The following GAREM1 variants were observed in gnomAD, a reference collection of about 807,000 sequenced individuals.
The protein encoded by GAREM1 is GRB2 associated regulator of MAPK1 subtype 1, also known as GRB2-associated and regulator of MAPK protein 1.
Under a neutral mutation model 71.3 loss-of-function variants are expected in GAREM1, and 26 were observed. The observed-to-expected ratio is 0.36, with a 90% CI of 0.27 to 0.51. The LOEUF is 0.51. Ranked by LOEUF, GAREM1 falls within the 20% of genes least tolerant of loss-of-function variation. The probability of loss-of-function intolerance (pLI) is 0.95; values close to 1 mark genes in which losing one functional copy is unlikely to be tolerated. For synonymous variants in GAREM1, 440 were observed against 433.2 expected (o/e 1.02, Z -0.20); for missense variants, 1,026 against 1,103.1 (o/e 0.93, Z 0.99).
At chr18:32,357,507 T>C (rs754599401) in intron 2 of GAREM1, among the ~76,000 whole-genome samples, 1 of 152,120 alleles carries the variant, frequency 6.6e-6, no homozygotes, top group Non-Finnish European at 1.5e-5. Flanking sequence ...CAGCCCTCTA[T>C]CTCTGCTGTC....
chr18:32,394,748 C>T lies in GAREM1; in HGVS notation c.122-1713G>A, dbSNP rs1012597020. On this transcript the variant is annotated intron_variant, in intron 1 of 5. Transcript: ENST00000269209. ...TGCTCCAAAGGAGAAATCATGCAGCCCCCTGCTGAGCATATGCACAGTAGG... is the reference window on the plus strand; with the variant it reads ...TGCTCCAAAGGAGAAATCATGCAGCTCCCTGCTGAGCATATGCACAGTAGG... Among the ~76,000 whole-genome samples, 6 of 152,156 alleles carry T rather than the reference C, an allele frequency of 3.9e-5. No individual in the cohort carries two copies. The East Asian group carries it at 7.7e-4, about 20-fold the overall frequency.
rs555648889 is a variant in GAREM1 at position 32,410,182 on chromosome 18, C to T, written c.122-17147G>A. Among the ~76,000 whole-genome samples, 3 of 152,236 alleles carry T rather than the reference C, an allele frequency of 2.0e-5. No homozygotes were observed. In the East Asian group the frequency reaches 5.8e-4, roughly 29 times the overall value. ...CTACTAGACATCAGATGCCAAATGA[C>T]CAGGCATGTTTCTAAGATCCCAACC... On this transcript the variant is annotated intron_variant, in intron 1 of 5. Coordinates refer to ENST00000269209, the MANE Select transcript of GAREM1 (RefSeq NM_001242409.2).
rs147981261 is a variant in GAREM1, at chr18:32,330,105, A to G, written c.263-19782T>C. Among the ~76,000 whole-genome samples, 961 of 152,346 alleles carry G rather than the reference A, an allele frequency of 6.3e-3. 7 individuals carry two copies. The highest frequency in any genetic ancestry group is 0.012 in the Non-Finnish European group (793 of 68,028). ...ACAATAGCAAAGATATGGAATCAAC[A>G]TAAGGGCCCATCGATGATGGACTGT... On this transcript the variant is annotated intron_variant, in intron 2 of 5. Coordinates refer to ENST00000269209, the MANE Select transcript of GAREM1 (RefSeq NM_001242409.2).
At chr18:32,288,273 GACACACACAAAT>G in intron 3 of GAREM1, 70 bp from the exon 4 acceptor site, 1 of 1,264,058 alleles carries the variant, frequency 7.9e-7, no homozygotes, top group East Asian at 2.4e-5. Flanking sequence ...TTCCTATTAA[GACACACACAAAT>G]ACACACACAG....
intron 3 of GAREM1, among the ~76,000 whole-genome samples, chr18:32,309,477 G>T (rs1421891040): frequency 7.5e-6 from 1 of 133,596 alleles, no homozygotes; most frequent in Non-Finnish European, 1.7e-5. Flanking sequence ...ATAGCTGGGC[G>T]TGGCGGTGTG....
intron 1 of GAREM1, among the ~76,000 whole-genome samples, chr18:32,443,244 T>C (rs920222991): frequency 6.6e-6 from 1 of 151,978 alleles, no homozygotes; most frequent in Admixed American, 6.6e-5. Flanking sequence ...CAATGGTTTC[T>C]TATGTGTAAA....
chr18:32,364,622 T>A (rs1012449790), intron 2 of GAREM1, among the ~76,000 whole-genome samples: 1 of 152,180 alleles, frequency 6.6e-6, no homozygotes, highest in Admixed American at 6.5e-5. Flanking sequence ...TTAAATTAAA[T>A]TTTTAAAAAA....
intron 2 of GAREM1, among the ~76,000 whole-genome samples, chr18:32,364,026 A>ATT (rs1336753011): frequency 6.5e-5 from 3 of 46,414 alleles, no homozygotes; most frequent in African/African-American, 3.3e-4. Context: ...ATATATATAT[A>ATT]TGTTTTTTTT....
intron 1 of GAREM1, among the ~76,000 whole-genome samples, chr18:32,461,264 C>A (rs1178681738): frequency 1.3e-5 from 2 of 152,114 alleles, no homozygotes; most frequent in African/African-American, 4.8e-5. Flanking sequence ...ACATGCCAGG[C>A]ATTGTGCTAA....
chr18:32,402,012 A>T (rs73958414), intron 1 of GAREM1, among the ~76,000 whole-genome samples: 20,337 of 152,180 alleles, frequency 0.13, 1,577 homozygotes, highest in African/African-American at 0.21. Context: ...TTAGGCAAAA[A>T]AAGTTCCAGA....
chr18:32,268,795 T>C (rs1180425253), intron 5 of GAREM1, 27 bp from the exon 6 acceptor site: 1 of 1,590,810 alleles, frequency 6.3e-7, no homozygotes, highest in Admixed American at 1.8e-5. Context: ...GAAGGAGAAA[T>C]CAGTTAAAAG....
intron 1 of GAREM1, among the ~76,000 whole-genome samples, chr18:32,403,499 A>C (rs2048336205): frequency 6.6e-6 from 1 of 152,086 alleles, no homozygotes; most frequent in African/African-American, 2.4e-5. Context: ...CTTGGCCTTT[A>C]TCTCTCAACC....
intron 1 of GAREM1, among the ~76,000 whole-genome samples, chr18:32,443,935 T>G (rs1436965811): frequency 6.6e-6 from 1 of 152,102 alleles, no homozygotes; most frequent in Non-Finnish European, 1.5e-5. Flanking sequence ...TATTCAGCCA[T>G]GAAAAGAAAT....
At chr18:32,445,494 T>C (rs2048777865) in intron 1 of GAREM1, among the ~76,000 whole-genome samples, 1 of 152,104 alleles carries the variant, frequency 6.6e-6, no homozygotes, top group African/African-American at 2.4e-5. Context: ...CCCATTCACA[T>C]TGTTATTTTA....
rs187100206 is a variant in GAREM1, at chr18:32,400,840, T to C, written c.122-7805A>G. Among the ~76,000 whole-genome samples the C allele has an allele frequency of 9.9e-5, 15 of 152,248 alleles. No homozygotes were observed. The East Asian group carries it at 1.7e-3, about 18-fold the overall frequency. The stretch of plus-strand genomic sequence containing the variant: ...CATTACTGGGTATATACCCAAAGGA[T>C]TATAAATCATGCTGCTGTAAAGACA... On this transcript the variant is annotated intron_variant, in intron 1 of 5. Coordinates refer to ENST00000269209, the MANE Select transcript of GAREM1 (RefSeq NM_001242409.2).
chr18:32,364,478 A>G (rs1310734220), intron 2 of GAREM1, among the ~76,000 whole-genome samples: 2 of 152,112 alleles, frequency 1.3e-5, no homozygotes, highest in African/African-American at 4.8e-5. Flanking sequence ...CACAGAAACA[A>G]TAAGTATGGT....
rs140583500 is a variant in GAREM1 at position 32,371,172 on chromosome 18, C to T, written c.262+21723G>A. Among the ~76,000 whole-genome samples, 193 of 152,090 alleles carry T rather than the reference C, an allele frequency of 1.3e-3. 1 individual carries two copies. Among genetic ancestry groups the T allele is most frequent in the African/African-American group, 4.5e-3 (185 of 41,478 alleles). Reference sequence around the variant, plus strand: ...GGACGTGGAGGTGACATGGCATGTGCAGGGAACTACACTGAACACTGCAGA... The same window carrying T: ...GGACGTGGAGGTGACATGGCATGTGTAGGGAACTACACTGAACACTGCAGA... On this transcript the variant is annotated intron_variant, in intron 2 of 5. Transcript: ENST00000269209.
intron 2 of GAREM1, among the ~76,000 whole-genome samples, chr18:32,341,057 C>A (rs1448988218): frequency 6.6e-6 from 1 of 152,030 alleles, no homozygotes; most frequent in African/African-American, 2.4e-5. Context: ...TATACATGTG[C>A]CATGTTGGTG....
At chr18:32,451,248 T>TCCCCCCCCCCCCCCCCC (rs1164223308) in intron 1 of GAREM1, among the ~76,000 whole-genome samples, 1 of 102,442 alleles carries the variant, frequency 9.8e-6, no homozygotes. Flanking sequence ...AGAGCCCCCA[T>TCCCCCCCCCCCCCCCCC]CCCCCCACCC....
Sources: allele counts gnomAD v4.1 joint callset (sites outside exome capture counted in the v4.1 genomes callset), GRCh38; gene constraint gnomAD v4.1.1; transcripts MANE v1.5; gene names NCBI Gene and HGNC (gene_info 2026-07-23, HGNC 2026-07-21).